GRIK2: variants seen among roughly 807,000 people sequenced by gnomAD.
The protein encoded by GRIK2 is glutamate ionotropic receptor kainate type subunit 2, also known as glutamate receptor ionotropic, kainate 2.
GRIK2 carries 32 observed loss-of-function variants against 100.3 expected under a neutral mutation model. The observed-to-expected ratio is 0.32, with a 90% CI of 0.24 to 0.43. The LOEUF (loss-of-function observed/expected upper bound fraction) is 0.43, where lower values mean the gene tolerates loss of function less well. Among genes scored for constraint, GRIK2 ranks in the 20% least tolerant of loss-of-function variants. GRIK2 has a pLI of 1.00. For missense variants in GRIK2, 843 were observed against 1,114.9 expected (o/e 0.76, Z 3.47); for synonymous variants, 417 against 389.4 (o/e 1.07, Z -0.83).
rs540616285 is a variant in GRIK2, at chr6:101,821,709, A to G, written c.1317+3226A>G. 2.6e-5 allele frequency among the ~76,000 whole-genome samples: 4 copies of G among 152,296 alleles called. No individual in the cohort carries two copies. In the East Asian group the frequency reaches 5.8e-4, roughly 22 times the overall value. On this transcript the variant is annotated intron_variant, in intron 10 of 16. Transcript: ENST00000369134. The stretch of plus-strand genomic sequence containing the variant: ...GACTTCAACATATCCATAGTCAAGT[A>G]AAGAACAGATTTGAAGAGATTATGT...
chr6:102,048,509 A>T (rs1186371883), intron 15 of GRIK2, among the ~76,000 whole-genome samples: 1 of 152,160 alleles, frequency 6.6e-6, no homozygotes, highest in Non-Finnish European at 1.5e-5. Flanking sequence ...ACAACTGAAT[A>T]GCAAGAAAAA....
At chr6:101,731,254 A>G (rs1353099049) in intron 7 of GRIK2, among the ~76,000 whole-genome samples, 1 of 151,944 alleles carries the variant, frequency 6.6e-6, no homozygotes, top group Admixed American at 6.6e-5. Flanking sequence ...TTTATTTTTC[A>G]TGCCTGCCCT....
At chr6:101,924,509 T>C in intron 12 of GRIK2, 92 bp from the exon 13 acceptor site, 1 of 721,570 alleles carries the variant, frequency 1.4e-6, no homozygotes, top group East Asian at 2.5e-5. Flanking sequence ...TAAACTTATC[T>C]GTCTTTTTGT....
At chr6:102,038,459 G>A (rs1441044301) in intron 15 of GRIK2, among the ~76,000 whole-genome samples, 6 of 143,102 alleles carry the variant, frequency 4.2e-5, no homozygotes, top group African/African-American at 1.5e-4. Context: ...CCATTGTCTG[G>A]ATAAGGGCAG....
chr6:101,709,664 G>A (rs1265724159), intron 7 of GRIK2, among the ~76,000 whole-genome samples: 3 of 151,774 alleles, frequency 2.0e-5, no homozygotes. Context: ...AAAATGGAAG[G>A]AAAAGAATCT....
intron 2 of GRIK2, among the ~76,000 whole-genome samples, chr6:101,584,581 A>G (rs937877064): frequency 1.1e-4 from 17 of 152,062 alleles, no homozygotes; most frequent in African/African-American, 3.9e-4. Context: ...ACAAAGTCAA[A>G]AGAATGAATC....
chr6:101,817,610 C>T, intron 9 of GRIK2, among the ~76,000 whole-genome samples: 1 of 152,200 alleles, frequency 6.6e-6, no homozygotes, highest in East Asian at 1.9e-4. Context: ...TTGTGACATC[C>T]TGTGCTTACG....
intron 7 of GRIK2, among the ~76,000 whole-genome samples, chr6:101,769,522 A>G (rs1175125371): frequency 6.6e-6 from 1 of 152,184 alleles, no homozygotes; most frequent in African/African-American, 2.4e-5. Flanking sequence ...CTCAGGTGCT[A>G]TGATAGCTAT....
intron 4 of GRIK2, among the ~76,000 whole-genome samples, chr6:101,654,528 C>G (rs1781965289): frequency 6.6e-6 from 1 of 152,146 alleles, no homozygotes; most frequent in Non-Finnish European, 1.5e-5. Context: ...CTATTTGACT[C>G]TTTTCTCCCT....
At chr6:101,524,671 G>A (rs143501037) in intron 2 of GRIK2, among the ~76,000 whole-genome samples, 138 of 150,632 alleles carry the variant, frequency 9.2e-4, no homozygotes, top group African/African-American at 3.3e-3. Context: ...TTTACAAATT[G>A]ATTCCTCCTC....
At chr6:101,427,002 A>G (rs942115019) in intron 2 of GRIK2, among the ~76,000 whole-genome samples, 3 of 152,152 alleles carry the variant, frequency 2.0e-5, no homozygotes, top group African/African-American at 7.2e-5. Flanking sequence ...ACATATCCCA[A>G]TCTGGAGTCA....
In GRIK2 at chr6:101,875,976, C is replaced by G. The variant is rs893188929; in HGVS notation, c.1525-13664C>G. Among the ~76,000 whole-genome samples the G allele has an allele frequency of 2.0e-5, 3 of 150,554 alleles. No individual in the cohort carries two copies. In the Admixed American group the frequency reaches 2.0e-4, roughly 10 times the overall value. On this transcript the variant is annotated intron_variant, in intron 11 of 16. Transcript: ENST00000369134. ...GTCTTCTGTGGAGTCCTGTTTTCTT[C>G]TAGAATTACATATATATTGTGTGTT...
At chr6:101,416,370 C>T (rs1470305425) in intron 2 of GRIK2, among the ~76,000 whole-genome samples, 2 of 152,192 alleles carry the variant, frequency 1.3e-5, no homozygotes, top group African/African-American at 4.8e-5. Flanking sequence ...CTGCCTCTCC[C>T]TGCTTGCTTC....
intron 4 of GRIK2, among the ~76,000 whole-genome samples, chr6:101,627,119 G>C (rs1394074720): frequency 2.2e-4 from 22 of 100,066 alleles, no homozygotes; most frequent in Middle Eastern, 5.0e-3. Flanking sequence ...GTGTGTCTCT[G>C]TGTGTGTGTG....
chr6:101,526,259 AAC>A (rs1426028640), intron 2 of GRIK2, among the ~76,000 whole-genome samples: 2 of 152,196 alleles, frequency 1.3e-5, no homozygotes, highest in Non-Finnish European at 1.5e-5. Flanking sequence ...TTGCTCTTGT[AAC>A]ACAATTCATG....
At chr6:101,716,512 A>G (rs1042488286) in intron 7 of GRIK2, among the ~76,000 whole-genome samples, 2 of 147,454 alleles carry the variant, frequency 1.4e-5, no homozygotes, top group East Asian at 4.2e-4. Flanking sequence ...ATAGTTTCTT[A>G]TGGACTCCAC....
chr6:101,932,827 CTTTA>C (rs1285593742), intron 14 of GRIK2, among the ~76,000 whole-genome samples: 1 of 151,798 alleles, frequency 6.6e-6, no homozygotes, highest in Non-Finnish European at 1.5e-5. Flanking sequence ...TAACATAAAC[CTTTA>C]TTTATCTTCC....
Position 101,526,854 on chromosome 6 carries a change from C to G in GRIK2, c.116-95095C>G, listed in dbSNP as rs114440047. The stretch of plus-strand genomic sequence containing the variant: ...CCGGGGTTCGGAGGAGGCAACACTT[C>G]TACCAGGTTCCAACAGATGCACACC... On this transcript the variant is annotated intron_variant, in intron 2 of 16. Coordinates refer to ENST00000369134, the MANE Select transcript of GRIK2 (RefSeq NM_021956.5). Among the ~76,000 whole-genome samples, 938 of 152,284 alleles carry G rather than the reference C, an allele frequency of 6.2e-3. 4 individuals are homozygous for G. Among genetic ancestry groups the G allele is most frequent in the African/African-American group, 0.019 (804 of 41,552 alleles).
intron 4 of GRIK2, among the ~76,000 whole-genome samples, chr6:101,654,556 G>A (rs1781966727): frequency 6.6e-6 from 1 of 152,152 alleles, no homozygotes. Context: ...TCCCCATTCT[G>A]TAATATGTTC....
Sources: gnomAD v4.1 joint callset for allele counts (sites outside exome capture counted in the v4.1 genomes callset) on GRCh38, gnomAD v4.1.1 for gene constraint, MANE v1.5 for transcripts, NCBI Gene and HGNC (gene_info 2026-07-23, HGNC 2026-07-21) for gene names.